Variants in EXPH5 observed in about 807,000 individuals in gnomAD.
The protein encoded by EXPH5 is exophilin-5.
Under a neutral mutation model 41.1 loss-of-function variants are expected in EXPH5, and 42 were observed. The observed-to-expected ratio is 1.02, with a 90% confidence interval of 0.80 to 1.32. EXPH5 has a LOEUF of 1.32. Among genes scored for constraint, EXPH5 ranks in the 40% most tolerant of loss-of-function variants. EXPH5 has a pLI of 0.00. For synonymous variants in EXPH5, 798 were observed against 833.5 expected, an observed-to-expected ratio of 0.96 and a Z score of 0.73; for missense variants, 2,298 against 2,314.5, an observed-to-expected ratio of 0.99 and a Z score of 0.15.
At chr11:108,526,667 A>C (rs1043030447) in intron 4 of EXPH5, among the ~76,000 whole-genome samples, 1 of 152,212 alleles carries the variant, frequency 6.6e-6, no homozygotes, top group Non-Finnish European at 1.5e-5. Flanking sequence ...ACTGGGGTCC[A>C]TGTGCAAACA....
chr11:108,519,950 C>CAAAAA (rs71050861), intron 4 of EXPH5, among the ~76,000 whole-genome samples: 8 of 62,066 alleles, frequency 1.3e-4, no homozygotes, highest in African/African-American at 4.0e-4. Context: ...GACTCTGTCT[C>CAAAAA]AAAAAAAAAA....
the EXPH5 span, among the ~76,000 whole-genome samples, chr11:108,600,564 T>C: frequency 6.6e-6 from 1 of 152,218 alleles, no homozygotes; most frequent in Non-Finnish European, 1.5e-5. Context: ...TTTCTTGTTT[T>C]TAAATTCATT....
At chr11:108,535,227 C>T (rs563492704) in intron 3 of EXPH5, among the ~76,000 whole-genome samples, 5 of 152,256 alleles carry the variant, frequency 3.3e-5, no homozygotes, top group African/African-American at 1.2e-4. Flanking sequence ...TTCAAAAGCA[C>T]CAGGTTGGAG....
rs1456627760 is a variant in EXPH5 at position 108,573,198 on chromosome 11, A to AAGAGAAAGAAAG, written c.119+20219_119+20220insCTTTCTTTCTCT. Among the ~76,000 whole-genome samples, 12 of 108,278 alleles carry AAGAGAAAGAAAG rather than the reference A, an allele frequency of 1.1e-4. No individual in the cohort carries two copies. In the East Asian group the frequency reaches 1.1e-3, roughly 10 times the overall value. 71.0% of individuals were successfully genotyped at this position (108,278 alleles called of 152,430 possible). On this transcript the variant is annotated intron_variant, in intron 1 of 5. Coordinates refer to ENST00000265843, the MANE Select transcript of EXPH5 (RefSeq NM_015065.3). ...AAAGAAAGAAAGAAAGAAAGAAAGA[A>AAGAGAAAGAAAG]AAAGAAAGAAAGAAAGAAAGAAAGG...
the EXPH5 span, among the ~76,000 whole-genome samples, chr11:108,602,905 GTAATCCCCA>G: frequency 2.6e-5 from 4 of 152,156 alleles, no homozygotes; most frequent in Non-Finnish European, 5.9e-5. Context: ...GTCTCAAATT[GTAATCCCCA>G]TAATCCCCAT....
chr11:108,511,295 A>G lies in EXPH5; in HGVS notation c.4212T>C (p.Asn1404=), dbSNP rs1565771004. 4 of 1,601,776 alleles carry G rather than the reference A, an allele frequency of 2.5e-6. No individual in the cohort carries two copies. The highest frequency in any genetic ancestry group is 1.8e-5 in the Admixed American group (1 of 57,062). ...AATTTTCAGATTTTTCTTCGGATACATTTTTTCTCTGAAGCATCAATGAAG... is the reference window on the plus strand; with the variant it reads ...AATTTTCAGATTTTTCTTCGGATACGTTTTTTCTCTGAAGCATCAATGAAG... ...LHTSLMLQRK[N]VSEEKSENCQ... The change falls in exon 6 of 6, where the codon AAT becomes AAC. Residue 1404 remains asparagine (N), a synonymous_variant. Coordinates refer to ENST00000265843, the MANE Select transcript of EXPH5 (RefSeq NM_015065.3).
chr11:108,509,513 G>A lies in EXPH5; in HGVS notation c.*24C>T, dbSNP rs1417910573. On this transcript the variant is annotated 3_prime_UTR_variant, in exon 6 of 6. Transcript: ENST00000265843. ...CCATTATAAGCTTTTGGTGAAAAAA[G>A]TAAAGCATTTTATTGAAAAAGCCTC... 1 of 1,527,754 alleles carries A rather than the reference G, an allele frequency of 6.5e-7. No homozygotes were observed. 94.6% of individuals were successfully genotyped at this position (1,527,754 alleles called of 1,614,324 possible). A position where few individuals can be genotyped will look rare whatever the true frequency, so the allele number is the denominator to read the frequency against.
intron 3 of EXPH5, among the ~76,000 whole-genome samples, chr11:108,535,014 T>C (rs1360333999): frequency 1.3e-5 from 2 of 152,138 alleles, no homozygotes; most frequent in African/African-American, 4.8e-5. Context: ...GCACTTAACA[T>C]AGGGTCTGAT....
At chr11:108,540,320 C>T (rs2136028653) in intron 2 of EXPH5, among the ~76,000 whole-genome samples, 1 of 152,100 alleles carries the variant, frequency 6.6e-6, no homozygotes, top group South Asian at 2.1e-4. Flanking sequence ...GAGACTCCAT[C>T]TCAAAATAAA....
intron 3 of EXPH5, chr11:108,537,835 C>T (rs1043650936): frequency 3.1e-5 from 9 of 285,882 alleles, no homozygotes; most frequent in Admixed American, 1.9e-4. Flanking sequence ...AGCTATACCA[C>T]GCAGTGGAAA....
At chr11:108,538,929 A>T in intron 3 of EXPH5, 95 bp downstream of exon 3, 1 of 1,127,674 alleles carries the variant, frequency 8.9e-7, no homozygotes. Flanking sequence ...TTGAAATTCT[A>T]AGAACAAACA....
chr11:108,561,102 T>TAATTG (rs1404113681), intron 1 of EXPH5, among the ~76,000 whole-genome samples: 1 of 152,184 alleles, frequency 6.6e-6, no homozygotes, highest in East Asian at 1.9e-4. Flanking sequence ...AGGTACAAAA[T>TAATTG]AATTGAACTC....
At chr11:108,532,631 T>C (rs1170100530) in intron 3 of EXPH5, among the ~76,000 whole-genome samples, 4 of 151,822 alleles carry the variant, frequency 2.6e-5, no homozygotes, top group African/African-American at 9.7e-5. Context: ...ATAAAAACTT[T>C]GTATGACCAT....
chr11:108,526,804 A>T (rs950677778), intron 4 of EXPH5, among the ~76,000 whole-genome samples: 1 of 152,156 alleles, frequency 6.6e-6, no homozygotes, highest in Non-Finnish European at 1.5e-5. Context: ...TAACTCGTTA[A>T]ACCTCACTTT....
At chr11:108,592,825 C>T (rs1347770339) in intron 1 of EXPH5, among the ~76,000 whole-genome samples, 2 of 152,252 alleles carry the variant, frequency 1.3e-5, no homozygotes, top group Non-Finnish European at 2.9e-5. Flanking sequence ...ACATAAGCCT[C>T]TATTTGACAA....
Position 108,509,828 on chromosome 11 carries a change from T to C in EXPH5, c.5679A>G (p.Gln1893=), listed in dbSNP as rs1433205521. The change falls in exon 6 of 6, where the codon CAA becomes CAG. Residue 1893 remains glutamine, a synonymous_variant. Coordinates refer to ENST00000265843, the MANE Select transcript of EXPH5 (RefSeq NM_015065.3). ...PIDYGIFGKE[Q]QLAFLENVKR... Reference sequence around the variant, plus strand: ...TTACATTTTCTAAGAAAGCTAACTGTTGTTCTTTCCCAAAGATCCCATAGT... The same window carrying C: ...TTACATTTTCTAAGAAAGCTAACTGCTGTTCTTTCCCAAAGATCCCATAGT... 1.2e-6 allele frequency: 2 copies of C among 1,613,720 alleles called. No homozygotes were observed. Among genetic ancestry groups the C allele is most frequent in the Admixed American group, 1.7e-5 (1 of 59,934 alleles).
chr11:108,537,869 T>C, intron 3 of EXPH5: 1 of 567,734 alleles, frequency 1.8e-6, no homozygotes, highest in Non-Finnish European at 2.2e-6. Context: ...CTCAAATAAA[T>C]ATTTACTGGG....
intron 5 of EXPH5, 51 bp from the exon 6 acceptor site, chr11:108,514,926 T>C: frequency 1.6e-6 from 2 of 1,267,108 alleles, no homozygotes; most frequent in Non-Finnish European, 2.1e-6. Context: ...TACAGTTTAA[T>C]AATAATTTGA....
chr11:108,603,748 G>A, the EXPH5 span, among the ~76,000 whole-genome samples: 1,687 of 152,290 alleles, frequency 0.011, 34 homozygotes, highest in African/African-American at 0.036. Context: ...CTGTTCTGAT[G>A]AATAGGCCAT....
Sources: gnomAD v4.1 joint callset for allele counts (sites outside exome capture counted in the v4.1 genomes callset) on GRCh38, gnomAD v4.1.1 for gene constraint, MANE v1.5 for transcripts, NCBI Gene and HGNC (gene_info 2026-07-23, HGNC 2026-07-21) for gene names.